Variants in ASXL2 observed in about 807,000 individuals in gnomAD.
ASXL2 encodes ASXL transcriptional regulator 2.
A neutral mutation model predicts 122.0 loss-of-function variants in ASXL2; 23 were observed. The ratio of observed to expected loss-of-function variants is 0.19; its 90% CI spans 0.14 to 0.27. The LOEUF (loss-of-function observed/expected upper bound fraction) is 0.27. Ranked by LOEUF, ASXL2 falls within the 10% of genes least tolerant of loss-of-function variation. The pLI is 1.00. For synonymous variants in ASXL2, 650 were observed against 637.0 expected, an observed-to-expected ratio of 1.02 and a Z score of -0.31; for missense variants, 1,518 against 1,713.8, an observed-to-expected ratio of 0.89 and a Z score of 2.02.
At chr2:25,875,570 C>CATA (rs1448481644) in intron 1 of ASXL2, among the ~76,000 whole-genome samples, 2 of 152,086 alleles carry the variant, frequency 1.3e-5, no homozygotes, top group Non-Finnish European at 2.9e-5. Context: ...AGCTCTCCCA[C>CATA]ATAAACACAC....
chr2:25,817,897 A>T (rs1420003875), intron 3 of ASXL2, among the ~76,000 whole-genome samples: 1 of 152,208 alleles, frequency 6.6e-6, no homozygotes, highest in African/African-American at 2.4e-5. Flanking sequence ...AAAGATCAAG[A>T]GACAAGCCAA....
chr2:25,863,063 C>T (rs2089858208), intron 1 of ASXL2, among the ~76,000 whole-genome samples: 1 of 152,164 alleles, frequency 6.6e-6, no homozygotes, highest in Non-Finnish European at 1.5e-5. Context: ...GGCACAGTGG[C>T]TCACGCCTTT....
At chr2:25,859,481 G>A (rs555131140) in intron 1 of ASXL2, among the ~76,000 whole-genome samples, 3 of 152,164 alleles carry the variant, frequency 2.0e-5, no homozygotes, top group African/African-American at 4.8e-5. Context: ...ATAAAGCAAC[G>A]TATCAAAGAA....
At chr2:25,756,536 T>G (rs145556627) in intron 9 of ASXL2, among the ~76,000 whole-genome samples, 60 of 152,160 alleles carry the variant, frequency 3.9e-4, no homozygotes, top group African/African-American at 1.3e-3. Flanking sequence ...CAAAAACAGT[T>G]TTTTGAAGAA....
intron 1 of ASXL2, among the ~76,000 whole-genome samples, chr2:25,857,575 T>C (rs1003723733): frequency 3.9e-5 from 6 of 152,192 alleles, no homozygotes; most frequent in Non-Finnish European, 7.3e-5. Flanking sequence ...CTTTGCACCA[T>C]CTACTCCACC....
rs1293483277 is a variant in ASXL2, at chr2:25,742,677, T to C, written c.3660A>G (p.Leu1220=). Residue 1220 remains leucine (L), a synonymous_variant, in exon 13 of 13, where the codon CTA becomes CTG. Coordinates refer to ENST00000435504, the MANE Select transcript of ASXL2 (RefSeq NM_018263.6). ...TSSGPHSRET[L]STSDCLASKN... ...TGCTAGCTAAGCAATCACTGGTAGATAGAGTTTCCCTGCTGTGAGGTCCTG... is the reference window on the plus strand; with the variant it reads ...TGCTAGCTAAGCAATCACTGGTAGACAGAGTTTCCCTGCTGTGAGGTCCTG... The C allele has an allele frequency of 1.9e-6, 3 of 1,614,014 alleles. No individual in the cohort carries two copies. Among genetic ancestry groups the C allele is most frequent in the African/African-American group, 1.3e-5 (1 of 75,052 alleles).
intron 1 of ASXL2, among the ~76,000 whole-genome samples, chr2:25,865,567 AC>A: frequency 6.6e-6 from 1 of 151,426 alleles, no homozygotes; most frequent in East Asian, 1.9e-4. Context: ...GGAGATCGAG[AC>A]CATCCTGGCT....
At chr2:25,787,102 T>C (rs1002954142) in intron 5 of ASXL2, among the ~76,000 whole-genome samples, 1 of 152,164 alleles carries the variant, frequency 6.6e-6, no homozygotes, top group Non-Finnish European at 1.5e-5. Context: ...TGTTGTTACA[T>C]CCAGTGTCAA....
intron 1 of ASXL2, 125 bp downstream of exon 1, chr2:25,878,041 C>G (rs1435542118): frequency 8.2e-7 from 1 of 1,225,188 alleles, no homozygotes; most frequent in Non-Finnish European, 1.2e-6. Context: ...AACCGCCGCC[C>G]TCTCCGCGCG....
intron 3 of ASXL2, among the ~76,000 whole-genome samples, chr2:25,821,460 T>C (rs1240817166): frequency 2.0e-5 from 3 of 151,232 alleles, no homozygotes; most frequent in East Asian, 1.9e-4. Flanking sequence ...CTCAATAAAG[T>C]TGTTTTTAAA....
At position 25,759,497 on chromosome 2, in the gene ASXL2, T is replaced by G. The variant is rs1187855632; in HGVS notation, c.924A>C (p.Pro308=). The change falls in exon 9 of 13, where the codon CCA becomes CCC. Residue 308 remains proline (P), a synonymous_variant. Transcript: ENST00000435504. ...DCQQRLLLLL[P]EVDRQVGPDG... ...AATGACGCACCTGTCGATCTACCTC[T>G]GGGAGTAGTAAAAGCAGTCGTTGCT... The G allele has an allele frequency of 6.2e-7, 1 of 1,613,976 alleles. No homozygotes were observed. Among genetic ancestry groups the G allele is most frequent in the East Asian group, 2.2e-5 (1 of 44,882 alleles).
At chr2:25,843,555 C>T (rs1425733659) in intron 2 of ASXL2, among the ~76,000 whole-genome samples, 1 of 151,554 alleles carries the variant, frequency 6.6e-6, no homozygotes, top group African/African-American at 2.4e-5. Flanking sequence ...TGAAGCAAAC[C>T]TAACTTATTT....
At chr2:25,820,516 A>G (rs900024915) in intron 3 of ASXL2, among the ~76,000 whole-genome samples, 2 of 152,236 alleles carry the variant, frequency 1.3e-5, no homozygotes, top group African/African-American at 4.8e-5. Flanking sequence ...GTTTATGATT[A>G]CATATTATAT....
At chr2:25,862,718 G>C (rs2089853892) in intron 1 of ASXL2, among the ~76,000 whole-genome samples, 1 of 151,920 alleles carries the variant, frequency 6.6e-6, no homozygotes, top group South Asian at 2.1e-4. Flanking sequence ...TCCTGCCTCA[G>C]CCTCCCAAGT....
At position 25,791,620 on chromosome 2, in the gene ASXL2, G is replaced by A. The variant is rs148516932; in HGVS notation, c.403+7765C>T. On this transcript the variant is annotated intron_variant, in intron 5 of 12. Transcript: ENST00000435504. ...CTCCCAGCCACATTTATCTTCTTAC[G>A]GCTTCCTGAAAACACTATATACATT... Among the ~76,000 whole-genome samples the A allele has an allele frequency of 1.2e-3, 189 of 151,956 alleles. 3 individuals are homozygous for A. The Middle Eastern group carries it at 0.034, about 27-fold the overall frequency.
At chr2:25,803,167 A>ATGAG (rs1384270573) in intron 4 of ASXL2, among the ~76,000 whole-genome samples, 1 of 150,876 alleles carries the variant, frequency 6.6e-6, no homozygotes, top group Admixed American at 6.6e-5. Flanking sequence ...GAATGAATGA[A>ATGAG]TGATTTAGCT....
intron 5 of ASXL2, among the ~76,000 whole-genome samples, chr2:25,793,492 ATC>A (rs1242703968): frequency 6.6e-6 from 1 of 152,158 alleles, no homozygotes; most frequent in East Asian, 1.9e-4. Context: ...TAAGTAAATA[ATC>A]TCTGACTTAA....
At chr2:25,869,690 G>A (rs536649992) in intron 1 of ASXL2, among the ~76,000 whole-genome samples, 2 of 151,760 alleles carry the variant, frequency 1.3e-5, no homozygotes, top group Middle Eastern at 3.4e-3. Context: ...GGTGGCGTGC[G>A]CCTGTAGTGC....
intron 12 of ASXL2, among the ~76,000 whole-genome samples, chr2:25,749,344 TAC>T (rs2087999026): frequency 6.6e-6 from 1 of 152,248 alleles, no homozygotes; most frequent in Non-Finnish European, 1.5e-5. Flanking sequence ...GTCAATGTTC[TAC>T]AGAGGCTGAG....
Sources: gnomAD v4.1 joint callset for allele counts (sites outside exome capture counted in the v4.1 genomes callset) on GRCh38, gnomAD v4.1.1 for gene constraint, MANE v1.5 for transcripts, NCBI Gene and HGNC (gene_info 2026-07-23, HGNC 2026-07-21) for gene names.